Variants in QTMAN observed in about 807,000 individuals in gnomAD.
QTMAN encodes the protein queuosine-tRNA mannosyltransferase, also known as tRNA-queuosine alpha-mannosyltransferase.
chr2:143,951,784 A>G, the QTMAN span, among the ~76,000 whole-genome samples: 1 of 151,546 alleles, frequency 6.6e-6, no homozygotes, highest in Non-Finnish European at 1.5e-5. Flanking sequence ...ACTGTGCATT[A>G]AGTGCACGTA....
chr2:144,056,834 T>C, the QTMAN span, among the ~76,000 whole-genome samples: 1 of 152,196 alleles, frequency 6.6e-6, no homozygotes, highest in Non-Finnish European at 1.5e-5. Context: ...CCAAGTAAAA[T>C]GTCCAAGAGG....
chr2:144,033,214 C>T, the QTMAN span, among the ~76,000 whole-genome samples: 1 of 152,206 alleles, frequency 6.6e-6, no homozygotes, highest in Non-Finnish European at 1.5e-5. Flanking sequence ...AGACTATGTA[C>T]TGCAGTTAAG....
chr2:144,283,260 C>G, the QTMAN span, among the ~76,000 whole-genome samples: 4 of 152,242 alleles, frequency 2.6e-5, no homozygotes, highest in Admixed American at 2.6e-4. Context: ...AGCTCTTAAC[C>G]TGCAGGATCT....
chr2:144,078,742 C>T, the QTMAN span, among the ~76,000 whole-genome samples: 1 of 152,112 alleles, frequency 6.6e-6, no homozygotes, highest in Admixed American at 6.5e-5. Context: ...CCAATGAATA[C>T]TTCCTTTGGC....
the QTMAN span, chr2:143,957,181 CAGAA>C: frequency 6.4e-7 from 1 of 1,573,838 alleles, no homozygotes; most frequent in Non-Finnish European, 8.6e-7. Context: ...ATATCACAAA[CAGAA>C]AGAACTTACA....
chr2:144,009,400 G>A, the QTMAN span, among the ~76,000 whole-genome samples: 1 of 152,120 alleles, frequency 6.6e-6, no homozygotes, highest in Non-Finnish European at 1.5e-5. Flanking sequence ...AGCAAGGGCT[G>A]ATAGGCAACA....
chr2:144,116,301 G>T, the QTMAN span, among the ~76,000 whole-genome samples: 1 of 138,024 alleles, frequency 7.2e-6, no homozygotes, highest in Non-Finnish European at 1.6e-5. Context: ...GTGTTGGGGT[G>T]GGGGGGTGGG....
At chr2:144,186,705 G>A in the QTMAN span, among the ~76,000 whole-genome samples, 1 of 152,026 alleles carries the variant, frequency 6.6e-6, no homozygotes, top group Non-Finnish European at 1.5e-5. Context: ...CTTTACTTTT[G>A]TGTTTAAATT....
the QTMAN span, among the ~76,000 whole-genome samples, chr2:144,298,997 CT>C: frequency 1.3e-5 from 2 of 151,962 alleles, no homozygotes; most frequent in African/African-American, 2.4e-5. Flanking sequence ...TGGCAGGAGA[CT>C]TTTTTTTCAG....
the QTMAN span, among the ~76,000 whole-genome samples, chr2:143,992,727 T>C: frequency 6.6e-6 from 1 of 152,102 alleles, no homozygotes; most frequent in Admixed American, 6.5e-5. Context: ...CTTAAGGATG[T>C]TCTTCGGGCA....
the QTMAN span, among the ~76,000 whole-genome samples, chr2:144,041,708 C>T: frequency 1.4e-4 from 21 of 152,280 alleles, no homozygotes; most frequent in African/African-American, 4.8e-4. Flanking sequence ...AAAACACAAT[C>T]TCCATGCTGT....
the QTMAN span, among the ~76,000 whole-genome samples, chr2:144,205,067 A>C: frequency 1.3e-5 from 2 of 152,160 alleles, no homozygotes; most frequent in South Asian, 4.1e-4. Flanking sequence ...TGGGTACAGC[A>C]CACCAACATG....
chr2:144,115,033 AGCCTG>A, the QTMAN span, among the ~76,000 whole-genome samples: 1 of 152,142 alleles, frequency 6.6e-6, no homozygotes, highest in South Asian at 2.1e-4. Context: ...GTTTGAGACT[AGCCTG>A]GCCAACATTG....
chr2:144,304,614 A>G, the QTMAN span, among the ~76,000 whole-genome samples: 5 of 152,242 alleles, frequency 3.3e-5, no homozygotes, highest in Non-Finnish European at 5.9e-5. Context: ...AATGTATTTA[A>G]TAATTATTTT....
At chr2:144,119,747 G>T in the QTMAN span, among the ~76,000 whole-genome samples, 1 of 152,086 alleles carries the variant, frequency 6.6e-6, no homozygotes, top group Non-Finnish European at 1.5e-5. Context: ...CAAATATAAG[G>T]AGTCTACTGT....
the QTMAN span, among the ~76,000 whole-genome samples, chr2:144,308,621 T>C: frequency 6.6e-6 from 1 of 152,014 alleles, no homozygotes. Flanking sequence ...ACTGTAAAAC[T>C]CTTGGGAGAA....
chr2:144,271,582 G>A, the QTMAN span, among the ~76,000 whole-genome samples: 1 of 152,190 alleles, frequency 6.6e-6, no homozygotes, highest in Non-Finnish European at 1.5e-5. Context: ...GAAATTCAGA[G>A]TAGACAATAA....
At chr2:144,013,052 TC>T in the QTMAN span, among the ~76,000 whole-genome samples, 1 of 152,246 alleles carries the variant, frequency 6.6e-6, no homozygotes, top group South Asian at 2.1e-4. Flanking sequence ...CAACACTGAT[TC>T]CATGGGACAC....
At chr2:144,133,196 T>C in the QTMAN span, among the ~76,000 whole-genome samples, 8 of 46,602 alleles carry the variant, frequency 1.7e-4, no homozygotes, top group African/African-American at 7.5e-4. Flanking sequence ...TAAATTTATA[T>C]ATATATATTT....
Sources: gnomAD v4.1 joint callset for allele counts (sites outside exome capture counted in the v4.1 genomes callset) on GRCh38, gnomAD v4.1.1 for gene constraint, MANE v1.5 for transcripts, NCBI Gene and HGNC (gene_info 2026-07-23, HGNC 2026-07-21) for gene names.